Variants in SLC22A8 observed in about 807,000 individuals in gnomAD.
SLC22A8 encodes the protein solute carrier family 22 member 8, also known as organic anion transporter 3.
In SLC22A8, 40 loss-of-function variants were observed where a neutral mutation model predicts 48.4. The observed-to-expected ratio is 0.83, with a 90% CI of 0.64 to 1.08. The LOEUF is 1.08. Ranked by LOEUF, SLC22A8 falls within the 50% of genes least tolerant of loss-of-function variation. The pLI is 0.00. For missense variants in SLC22A8, 606 were observed against 699.0 expected (o/e 0.87, Z 1.50); for synonymous variants, 268 against 286.3 (o/e 0.94, Z 0.65).
At chr11:62,994,778 G>T in intron 7 of SLC22A8, 22 bp from the exon 8 acceptor site, 1 of 1,596,234 alleles carries the variant, frequency 6.3e-7, no homozygotes, top group South Asian at 1.1e-5. Flanking sequence ...AGAAGGATTG[G>T]TTAGCACCTG....
In SLC22A8 at chr11:62,999,786, G is replaced by A. The variant is rs1489921809; in HGVS notation, c.494C>T (p.Ser165Phe). Residue 165 changes from serine to phenylalanine, a missense_variant, in exon 4 of 11, where the codon TCC (serine) becomes TTC (phenylalanine). By Grantham distance (155) the Ser-to-Phe change is radical (BLOSUM62 -2). Coordinates refer to ENST00000336232, the MANE Select transcript of SLC22A8 (RefSeq NM_004254.4). ...CSYLLLAASG[S>F]GAAFSPTFPI... ...GAAGGTGGGGCTGAAGGCTGCACCG[G>A]AGCCGCTGGCTGCCAGCAGCAGGTA... The A allele has an allele frequency of 1.2e-6, 2 of 1,606,122 alleles. No individual in the cohort carries two copies. Among genetic ancestry groups the A allele is most frequent in the Non-Finnish European group, 1.7e-6 (2 of 1,176,188 alleles).
intron 6 of SLC22A8, 79 bp from the exon 7 acceptor site, chr11:62,995,898 T>A (rs569446318): frequency 6.6e-7 from 1 of 1,509,636 alleles, no homozygotes; most frequent in African/African-American, 1.4e-5. Flanking sequence ...GCAGGCGTGG[T>A]GCCTCTAGAG....
chr11:62,993,055 C>A lies in SLC22A8; in HGVS notation c.*182G>T. On this transcript the variant is annotated 3_prime_UTR_variant, in exon 11 of 11. Coordinates refer to ENST00000336232, the MANE Select transcript of SLC22A8 (RefSeq NM_004254.4). ...GCAGGGAGAACAAGGGCAGGGATGG[C>A]TGAACCTTTGAACTGGCCAGGGCTG... The A allele has an allele frequency of 3.4e-6, 2 of 595,020 alleles. No individual in the cohort carries two copies. The highest frequency in any genetic ancestry group is 3.0e-5 in the Admixed American group (1 of 33,292). 36.9% of individuals were successfully genotyped at this position (595,020 alleles called of 1,614,324 possible).
intron 5 of SLC22A8, 27 bp downstream of exon 5, chr11:62,998,894 A>G: frequency 6.3e-7 from 1 of 1,580,420 alleles, no homozygotes; most frequent in Non-Finnish European, 8.7e-7. Flanking sequence ...ACCTAAGGAA[A>G]CAGATGAAGA....
chr11:62,999,341 G>A, intron 4 of SLC22A8: 1 of 505,266 alleles, frequency 2.0e-6, no homozygotes, highest in East Asian at 3.0e-5. Flanking sequence ...CCAAACTCAT[G>A]CTCTTAACCA....
chr11:62,999,152 G>T, intron 4 of SLC22A8, 63 bp from the exon 5 acceptor site: 2 of 1,450,178 alleles, frequency 1.4e-6, no homozygotes, highest in South Asian at 1.2e-5. Context: ...TCCGCGTGAA[G>T]GGGCACCAGC....
chr11:63,001,199 C>T (rs943218708), intron 2 of SLC22A8, among the ~76,000 whole-genome samples: 11 of 152,308 alleles, frequency 7.2e-5, no homozygotes, highest in Admixed American at 4.6e-4. Flanking sequence ...TGCCTTCTCT[C>T]CTCTACAGGG....
chr11:63,011,408 G>T (rs2086617843), intron 2 of SLC22A8, among the ~76,000 whole-genome samples: 1 of 152,224 alleles, frequency 6.6e-6, no homozygotes, highest in South Asian at 2.1e-4. Context: ...TTCTCTGTGA[G>T]ATTTTTGTTT....
At chr11:62,997,016 C>A (rs1290541947) in intron 5 of SLC22A8, among the ~76,000 whole-genome samples, 1 of 152,184 alleles carries the variant, frequency 6.6e-6, no homozygotes, top group Non-Finnish European at 1.5e-5. Flanking sequence ...CATCACTCCT[C>A]CTGCCCTGAT....
intron 5 of SLC22A8, among the ~76,000 whole-genome samples, chr11:62,997,163 AG>A (rs936387631): frequency 1.3e-5 from 2 of 152,232 alleles, no homozygotes; most frequent in African/African-American, 4.8e-5. Context: ...CCTGTGTACC[AG>A]GCCCATGAAA....
chr11:63,014,595 A>T, intron 2 of SLC22A8, 31 bp downstream of exon 2: 5 of 1,539,056 alleles, frequency 3.2e-6, no homozygotes, highest in Non-Finnish European at 4.4e-6. Flanking sequence ...GTACGTGGGT[A>T]AGTGGAGGGA....
At chr11:63,008,674 A>T (rs2086583480) in intron 2 of SLC22A8, among the ~76,000 whole-genome samples, 1 of 152,152 alleles carries the variant, frequency 6.6e-6, no homozygotes, top group African/African-American at 2.4e-5. Context: ...CTGTCTTATT[A>T]TTATTGTCAC....
chr11:63,000,643 G>A, intron 3 of SLC22A8, 77 bp downstream of exon 3: 1 of 1,063,306 alleles, frequency 9.4e-7, no homozygotes, highest in Non-Finnish European at 1.4e-6. Flanking sequence ...CCTCTTTGCG[G>A]GTGCACGGGT....
intron 2 of SLC22A8, among the ~76,000 whole-genome samples, chr11:63,009,048 A>G (rs927451142): frequency 3.3e-5 from 5 of 152,306 alleles, no homozygotes; most frequent in Admixed American, 2.6e-4. Flanking sequence ...AATAGGGATC[A>G]GGCTGGCTTG....
At position 63,000,756 on chromosome 11, in the gene SLC22A8, A is replaced by G. The variant is rs1318964190; in HGVS notation, c.401T>C (p.Leu134Pro). Residue 134 changes from leucine (L) to proline (P), a missense_variant, in exon 3 of 11, where the codon CTG (leucine) becomes CCG (proline). Physicochemically the swap from Leu to Pro is moderately conservative, Grantham distance 98 (BLOSUM62 -3). Transcript: ENST00000336232. The part of the protein sequence containing the change: ...MAQSIFMAGI[L>P]IGGLVLGDLS... ...GTCTCCAAGCACGAGCCCTCCAATCAGTATACCTGCCATGAAGATAGACTG... is the reference window on the plus strand; with the variant it reads ...GTCTCCAAGCACGAGCCCTCCAATCGGTATACCTGCCATGAAGATAGACTG... 4 of 1,613,866 alleles carry G rather than the reference A, an allele frequency of 2.5e-6. No individual in the cohort carries two copies. The South Asian group carries it at 3.3e-5, about 13-fold the overall frequency.
chr11:63,010,858 G>A (rs2086611388), intron 2 of SLC22A8, among the ~76,000 whole-genome samples: 2 of 152,198 alleles, frequency 1.3e-5, no homozygotes. Context: ...TCTCCGTCTG[G>A]CCTTTCTAGA....
chr11:63,007,373 T>C (rs1180531431), intron 2 of SLC22A8, among the ~76,000 whole-genome samples: 1 of 152,084 alleles, frequency 6.6e-6, no homozygotes, highest in East Asian at 1.9e-4. Flanking sequence ...TCTCCCAGGC[T>C]GGAGTACAGT....
At chr11:63,003,007 C>G (rs2086515706) in intron 2 of SLC22A8, among the ~76,000 whole-genome samples, 1 of 152,160 alleles carries the variant, frequency 6.6e-6, no homozygotes, top group Non-Finnish European at 1.5e-5. Context: ...TCCCTGATAA[C>G]CTGAAGGGCT....
At chr11:62,999,944 C>T (rs2086471769) in intron 3 of SLC22A8, 102 bp from the exon 4 acceptor site, 2 of 1,023,774 alleles carry the variant, frequency 2.0e-6, no homozygotes, top group South Asian at 2.8e-5. Flanking sequence ...CGACCCCCAA[C>T]CTTTCCCTGT....
Sources: gnomAD v4.1 joint callset for allele counts (sites outside exome capture counted in the v4.1 genomes callset) on GRCh38, gnomAD v4.1.1 for gene constraint, MANE v1.5 for transcripts, NCBI Gene and HGNC (gene_info 2026-07-23, HGNC 2026-07-21) for gene names.